Variants in HS3ST4 observed in about 807,000 individuals in gnomAD.
The protein encoded by HS3ST4 is heparan sulfate-glucosamine 3-sulfotransferase 4.
HS3ST4 carries 17 observed loss-of-function variants against 29.2 expected under a neutral mutation model. The ratio of observed to expected loss-of-function variants is 0.58; its 90% CI spans 0.40 to 0.87. The LOEUF is 0.87. Among genes scored for constraint, HS3ST4 ranks in the 40% least tolerant of loss-of-function variants. HS3ST4 has a pLI of 0.00. For synonymous variants in HS3ST4, 314 were observed against 285.7 expected (o/e 1.10, Z -1.00); for missense variants, 627 against 634.5 (o/e 0.99, Z 0.13).
intron 1 of HS3ST4, among the ~76,000 whole-genome samples, chr16:25,752,084 A>C (rs1187401896): frequency 2.0e-5 from 3 of 152,134 alleles, no homozygotes; most frequent in Non-Finnish European, 2.9e-5. Flanking sequence ...TTTGGAATAC[A>C]AGTGGAGATT....
chr16:25,803,014 T>G (rs551762619), intron 1 of HS3ST4, among the ~76,000 whole-genome samples: 4 of 151,958 alleles, frequency 2.6e-5, no homozygotes, highest in Non-Finnish European at 5.9e-5. Context: ...TTTATATACA[T>G]ATATATTTCT....
intron 1 of HS3ST4, among the ~76,000 whole-genome samples, chr16:25,813,569 C>T (rs1174974882): frequency 6.6e-6 from 1 of 152,172 alleles, no homozygotes; most frequent in African/African-American, 2.4e-5. Context: ...TGCAATCTAG[C>T]CTGGGCAGCA....
At chr16:25,739,780 G>A (rs116768155) in intron 1 of HS3ST4, among the ~76,000 whole-genome samples, 2,017 of 152,280 alleles carry the variant, frequency 0.013, 44 homozygotes, top group African/African-American at 0.042. Context: ...TTCCACTTAA[G>A]CTTTCTTTGA....
At chr16:25,778,472 T>C (rs766637267) in intron 1 of HS3ST4, among the ~76,000 whole-genome samples, 37 of 152,214 alleles carry the variant, frequency 2.4e-4, no homozygotes, top group Non-Finnish European at 4.6e-4. Context: ...CTGAATCTTA[T>C]TGACTACTGT....
At chr16:26,084,705 C>T (rs569326572) in intron 1 of HS3ST4, among the ~76,000 whole-genome samples, 11 of 152,156 alleles carry the variant, frequency 7.2e-5, no homozygotes, top group South Asian at 4.2e-4. Context: ...AACTCCTGGG[C>T]GCAAACCAAG....
chr16:25,828,232 T>TTCTTTCTTTCTTTTTCTG (rs1967241346), intron 1 of HS3ST4, among the ~76,000 whole-genome samples: 1 of 83,358 alleles, frequency 1.2e-5, no homozygotes, highest in African/African-American at 6.1e-5. Context: ...CTTTCTTTCT[T>TTCTTTCTTTCTTTTTCTG]TCTTTCTTTC....
chr16:25,907,395 G>A (rs1488597477), intron 1 of HS3ST4, among the ~76,000 whole-genome samples: 1 of 152,160 alleles, frequency 6.6e-6, no homozygotes, highest in Non-Finnish European at 1.5e-5. Context: ...CTAGGTGTTG[G>A]ACGTGTTACC....
intron 1 of HS3ST4, among the ~76,000 whole-genome samples, chr16:26,079,664 C>T (rs527917653): frequency 6.6e-6 from 1 of 152,252 alleles, no homozygotes; most frequent in East Asian, 1.9e-4. Context: ...AAAAAGTTAT[C>T]GGTAGCAGAG....
At chr16:25,699,113 A>G (rs1265931514) in intron 1 of HS3ST4, among the ~76,000 whole-genome samples, 3 of 152,222 alleles carry the variant, frequency 2.0e-5, no homozygotes, top group Non-Finnish European at 4.4e-5. Context: ...AACAAAATAC[A>G]TCTGTGGGCT....
intron 1 of HS3ST4, among the ~76,000 whole-genome samples, chr16:25,791,438 TTTTGATTGGAATTACATCCAA>T (rs1180634834): frequency 1.3e-5 from 2 of 152,150 alleles, no homozygotes; most frequent in East Asian, 1.9e-4. Context: ...AAATATTGGC[TTTTGATTGGAATTACATCCAA>T]TTTGATTGGA....
chr16:25,946,357 G>A (rs1204200217), intron 1 of HS3ST4, among the ~76,000 whole-genome samples: 2 of 152,234 alleles, frequency 1.3e-5, no homozygotes, highest in Non-Finnish European at 2.9e-5. Flanking sequence ...CTGCTGCTTT[G>A]TGAGAGATCT....
chr16:25,795,010 C>T (rs1251870953), intron 1 of HS3ST4, among the ~76,000 whole-genome samples: 20 of 144,142 alleles, frequency 1.4e-4, no homozygotes, highest in African/African-American at 4.8e-4. Context: ...CTCTCACTGT[C>T]GCCTGGGCAG....
intron 1 of HS3ST4, among the ~76,000 whole-genome samples, chr16:25,708,344 G>T (rs1394508354): frequency 6.6e-6 from 1 of 152,102 alleles, no homozygotes; most frequent in Non-Finnish European, 1.5e-5. Flanking sequence ...TAAACAATAA[G>T]CAAGTATCAA....
At chr16:26,133,635 C>T (rs947340721) in intron 1 of HS3ST4, among the ~76,000 whole-genome samples, 22 of 152,322 alleles carry the variant, frequency 1.4e-4, no homozygotes, top group African/African-American at 5.0e-4. Flanking sequence ...AGGCAAATTC[C>T]TCTTGCCTCA....
chr16:25,953,353 T>G (rs1968699712), intron 1 of HS3ST4, among the ~76,000 whole-genome samples: 2 of 152,206 alleles, frequency 1.3e-5, no homozygotes, highest in South Asian at 4.1e-4. Flanking sequence ...TCTTGAACAG[T>G]GACAAGCTGG....
chr16:25,927,732 G>T (rs984257853), intron 1 of HS3ST4, among the ~76,000 whole-genome samples: 2 of 151,484 alleles, frequency 1.3e-5, no homozygotes, highest in African/African-American at 4.8e-5. Context: ...TTTATAAAAA[G>T]AAGCTAGAAA....
intron 1 of HS3ST4, among the ~76,000 whole-genome samples, chr16:25,790,400 C>A (rs936982385): frequency 2.6e-5 from 4 of 152,070 alleles, no homozygotes; most frequent in African/African-American, 9.7e-5. Context: ...CAGAGTGAGA[C>A]GCTGTCTCAA....
At chr16:25,930,140 C>T (rs1174116811) in intron 1 of HS3ST4, among the ~76,000 whole-genome samples, 2 of 152,188 alleles carry the variant, frequency 1.3e-5, no homozygotes, top group East Asian at 3.8e-4. Context: ...TAGTCTTGTT[C>T]TTTTTTATGG....
intron 1 of HS3ST4, among the ~76,000 whole-genome samples, chr16:26,025,635 T>C (rs1463960950): frequency 6.6e-6 from 1 of 152,204 alleles, no homozygotes; most frequent in Non-Finnish European, 1.5e-5. Context: ...ATTTGGCAAA[T>C]GCTAAAGGCT....
Sources: gnomAD v4.1 joint callset for allele counts (sites outside exome capture counted in the v4.1 genomes callset) on GRCh38, gnomAD v4.1.1 for gene constraint, MANE v1.5 for transcripts, NCBI Gene and HGNC (gene_info 2026-07-23, HGNC 2026-07-21) for gene names.